Variants in ZW10 observed in about 807,000 individuals in gnomAD.
The protein encoded by ZW10 is zw10 kinetochore protein.
A neutral mutation model predicts 87.8 loss-of-function variants in ZW10; 53 were observed. The observed-to-expected ratio is 0.60, with a 90% CI of 0.48 to 0.76. ZW10 has a LOEUF of 0.76. ZW10 is among the 30% of genes least tolerant of loss of function. The probability of loss-of-function intolerance (pLI) is 0.00; values close to 1 mark genes in which losing one functional copy is unlikely to be tolerated. For missense variants in ZW10, 837 were observed against 923.0 expected, an observed-to-expected ratio of 0.91 and a Z score of 1.21; for synonymous variants, 312 against 329.2, an observed-to-expected ratio of 0.95 and a Z score of 0.57.
intron 2 of ZW10, among the ~76,000 whole-genome samples, chr11:113,765,502 T>C (rs1953900492): frequency 6.6e-6 from 1 of 152,196 alleles, no homozygotes; most frequent in Non-Finnish European, 1.5e-5. Context: ...TTTCCCTTTA[T>C]CTCCAGCTAT....
intron 2 of ZW10, among the ~76,000 whole-genome samples, chr11:113,761,491 G>C (rs1199390188): frequency 6.6e-6 from 1 of 152,092 alleles, no homozygotes; most frequent in Non-Finnish European, 1.5e-5. Context: ...ATGTTGTCCA[G>C]GCTGGTCTTG....
At chr11:113,773,487 G>A (rs1016895739) in intron 1 of ZW10, 75 bp downstream of exon 1, 3 of 1,302,376 alleles carry the variant, frequency 2.3e-6, no homozygotes, top group African/African-American at 2.9e-5. Flanking sequence ...CTTAGCCCCT[G>A]ACTCCTCTCT....
chr11:113,758,574 T>C lies in ZW10; in HGVS notation c.713A>G (p.His238Arg). Residue 238 changes from histidine to arginine, a missense_variant, in exon 6 of 16, where the codon CAC becomes CGC. Coordinates refer to ENST00000200135, the MANE Select transcript of ZW10 (RefSeq NM_004724.4). ...LLAFSVLGELHSKLKSFGQML... is the reference protein window; with the variant it reads ...LLAFSVLGELRSKLKSFGQML... ...CTTACCAAATGATTTAAGCTTGCTG[T>C]GTAGTTCTCCAAGAACAGAAAATGC... 2 of 1,614,076 alleles carry C rather than the reference T, an allele frequency of 1.2e-6. No individual in the cohort carries two copies. Among genetic ancestry groups the C allele is most frequent in the Non-Finnish European group, 1.7e-6 (2 of 1,179,986 alleles).
Position 113,758,656 on chromosome 11 carries a change from C to T in ZW10, c.631G>A (p.Glu211Lys). Residue 211 changes from glutamate (E) to lysine (K), a missense_variant, in exon 6 of 16, where the codon GAA (glutamate) becomes AAA (lysine). Physicochemically the swap from Glu to Lys is moderately conservative, Grantham distance 56. Coordinates refer to ENST00000200135, the MANE Select transcript of ZW10 (RefSeq NM_004724.4). ...YLQTELHLYT[E>K]QSHKEEKTPM... ...GTCTTCTCCTCTTTGTGCGATTGTT[C>T]AGTGTATAAATGAAGTTCAGTTTGT... is the stretch of plus-strand genomic sequence containing the variant. 1 of 1,614,036 alleles carries T rather than the reference C, an allele frequency of 6.2e-7. No homozygotes were observed. Among genetic ancestry groups the T allele is most frequent in the Non-Finnish European group, 8.5e-7 (1 of 1,179,996 alleles).
At chr11:113,741,319 T>C (rs1038881099) in intron 11 of ZW10, among the ~76,000 whole-genome samples, 2 of 152,180 alleles carry the variant, frequency 1.3e-5, no homozygotes, top group African/African-American at 2.4e-5. Context: ...GGCTAAGGAA[T>C]AGCTTTGTTG....
intron 2 of ZW10, among the ~76,000 whole-genome samples, chr11:113,766,545 G>T (rs978365987): frequency 3.3e-5 from 5 of 150,388 alleles, no homozygotes; most frequent in African/African-American, 2.4e-5. Flanking sequence ...GTGGTGGCGG[G>T]TGCCTATAGT....
Position 113,760,517 on chromosome 11 carries a change from T to C in ZW10, c.416A>G (p.Glu139Gly). 2 of 1,613,472 alleles carry C rather than the reference T, an allele frequency of 1.2e-6. No individual in the cohort carries two copies. The highest frequency in any genetic ancestry group is 1.7e-6 in the Non-Finnish European group (2 of 1,179,626). The change falls in exon 4 of 16, where the codon GAA becomes GGA. Residue 139 changes from glutamate to glycine, a missense_variant. Physicochemically the swap from Glu to Gly is moderately conservative, Grantham distance 98. Transcript: ENST00000200135. ...KKYVTGAQRL[E>G]EAQKCLKLLK... ...TTTGGGGAGAGCATTTAGTACCTCT[T>C]CCAGACGCTGAGCACCAGTGACATA...
At chr11:113,743,276 T>A (rs1953642878) in intron 10 of ZW10, among the ~76,000 whole-genome samples, 1 of 152,198 alleles carries the variant, frequency 6.6e-6, no homozygotes, top group African/African-American at 2.4e-5. Flanking sequence ...ATTTAAAATA[T>A]AAATGAATTA....
At chr11:113,767,552 C>A (rs1021230457) in intron 2 of ZW10, among the ~76,000 whole-genome samples, 39 of 151,592 alleles carry the variant, frequency 2.6e-4, no homozygotes, top group Admixed American at 2.6e-3. Context: ...TTTTTTTCCT[C>A]GATTATTTTA....
chr11:113,754,206 C>T lies in ZW10; in HGVS notation c.925+3456G>A, dbSNP rs568838967. ...CGTTCCAAAAATCCTAGCACCAGGC[C>T]GGGTGCGATGGCTCACACCTGTAAT... On this transcript the variant is annotated intron_variant, in intron 7 of 15. Transcript: ENST00000200135. 1.1e-4 allele frequency among the ~76,000 whole-genome samples: 16 copies of T among 152,230 alleles called. No individual in the cohort carries two copies. The South Asian group carries it at 3.3e-3, about 32-fold the overall frequency.
chr11:113,747,327 T>C (rs558767916), intron 9 of ZW10, among the ~76,000 whole-genome samples: 1 of 152,318 alleles, frequency 6.6e-6, no homozygotes, highest in South Asian at 2.1e-4. Context: ...TCATGTGCAT[T>C]ATCGTATCTG....
At chr11:113,752,505 A>G (rs530394007) in intron 7 of ZW10, among the ~76,000 whole-genome samples, 1 of 152,334 alleles carries the variant, frequency 6.6e-6, no homozygotes, top group Non-Finnish European at 1.5e-5. Flanking sequence ...AAGCAAGTCT[A>G]TGAGCACCAT....
chr11:113,738,345 C>T lies in ZW10; in HGVS notation c.1803G>A (p.Leu601=), dbSNP rs142623502. 17 of 1,613,318 alleles carry T rather than the reference C, an allele frequency of 1.1e-5. No individual in the cohort carries two copies. Among genetic ancestry groups the T allele is most frequent in the Non-Finnish European group, 1.4e-5 (17 of 1,179,728 alleles). Residue 601 remains leucine (L), a synonymous_variant, in exon 13 of 16, where the codon CTG becomes CTA. Transcript: ENST00000200135. ...AQMRAQKGEL[L]ERLSSARNFS... is the part of the protein sequence containing the mutation. ...AGTTCCTAGCACTTGATAATCTTTC[C>T]AGAAGTTCACCTTTCTGTGCCCGCA... is the stretch of plus-strand genomic sequence containing the variant.
chr11:113,760,944 C>G, intron 2 of ZW10, 26 bp from the exon 3 acceptor site: 1 of 1,595,066 alleles, frequency 6.3e-7, no homozygotes, highest in Non-Finnish European at 8.6e-7. Flanking sequence ...AAAACAAGTA[C>G]TTTTAAGCTA....
At position 113,747,584 on chromosome 11, in the gene ZW10, C is replaced by T. The variant is rs760727232; in HGVS notation, c.1219G>A (p.Val407Met). The T allele has an allele frequency of 2.2e-5, 35 of 1,613,592 alleles. No homozygotes were observed. The highest frequency in any genetic ancestry group is 2.8e-5 in the Non-Finnish European group (33 of 1,179,728). The change falls in exon 9 of 16, where the codon GTG becomes ATG. Residue 407 changes from valine to methionine, a missense_variant. Coordinates refer to ENST00000200135, the MANE Select transcript of ZW10 (RefSeq NM_004724.4). The part of the protein sequence containing the change: ...SHFANKKCQD[V>M]IVAARNLMTS... ...ATTAGATTTCTGGCTGCCACAATCA[C>T]ATCCTGGCACTTTTTGTTTGCAAAA...
At chr11:113,752,522 C>T (rs1953743754) in intron 7 of ZW10, among the ~76,000 whole-genome samples, 1 of 152,140 alleles carries the variant, frequency 6.6e-6, no homozygotes, top group African/African-American at 2.4e-5. Flanking sequence ...CCATTTTGTC[C>T]AAGAGCATGT....
In ZW10 at chr11:113,768,865, T is replaced by C. The variant is rs375197622; in HGVS notation, c.208A>G (p.Ile70Val). Reference sequence around the variant, plus strand: ...TCTATCCTGGATTTCAGCAGGTCAATGTCTTCAGATAGCTTATCCACCTGG... The same window carrying C: ...TCTATCCTGGATTTCAGCAGGTCAACGTCTTCAGATAGCTTATCCACCTGG... ...ITQVDKLSEDIDLLKSRIESE... is the reference protein window; with the variant it reads ...ITQVDKLSEDVDLLKSRIESE... Residue 70 changes from isoleucine (I) to valine (V), a missense_variant, in exon 2 of 16, where the codon ATT becomes GTT. Physicochemically the swap from Ile to Val is conservative, Grantham distance 29 (BLOSUM62 3). Coordinates refer to ENST00000200135, the MANE Select transcript of ZW10 (RefSeq NM_004724.4). 2.8e-5 allele frequency: 46 copies of C among 1,614,044 alleles called. No homozygotes were observed. Among genetic ancestry groups the C allele is most frequent in the Admixed American group, 1.0e-4 (6 of 60,008 alleles).
chr11:113,739,260 T>A lies in ZW10; in HGVS notation c.1706A>T (p.Asp569Val). ...AAGATCCACAAAAGTAGCAGTGCCA[T>A]CACAAAGAATGGGGGCAAGACGCAA... ...FRLRLAPILC[D>V]GTATFVDLVP... The change falls in exon 12 of 16, where the codon GAT (aspartate) becomes GTT (valine). Residue 569 changes from aspartate to valine, a missense_variant. Asp to Val is a radical substitution (Grantham distance 152). Transcript: ENST00000200135. The A allele has an allele frequency of 6.2e-7, 1 of 1,613,868 alleles. No homozygotes were observed. Among genetic ancestry groups the A allele is most frequent in the Non-Finnish European group, 8.5e-7 (1 of 1,179,918 alleles).
intron 11 of ZW10, among the ~76,000 whole-genome samples, chr11:113,740,931 T>C (rs1393805065): frequency 3.3e-5 from 5 of 152,250 alleles, no homozygotes; most frequent in African/African-American, 1.2e-4. Context: ...AATGCAAATA[T>C]GTTTTCTCTT....
Sources: allele counts gnomAD v4.1 joint callset (sites outside exome capture counted in the v4.1 genomes callset), GRCh38; gene constraint gnomAD v4.1.1; transcripts MANE v1.5; gene names NCBI Gene and HGNC (gene_info 2026-07-23, HGNC 2026-07-21).